LXN: variants seen among roughly 807,000 people sequenced by gnomAD.
LXN encodes the protein MUM.
A neutral mutation model predicts 29.8 loss-of-function variants in LXN; 28 were observed. The observed-to-expected ratio is 0.94, with a 90% confidence interval of 0.70 to 1.29. The LOEUF (loss-of-function observed/expected upper bound fraction) is 1.29, where lower values mean the gene tolerates loss of function less well. Ranked by LOEUF, LXN falls within the 50% of genes most tolerant of loss-of-function variation. The pLI is 0.00. For synonymous variants in LXN, 77 were observed against 89.6 expected (o/e 0.86, Z 0.80); for missense variants, 227 against 261.7 (o/e 0.87, Z 0.92).
At chr3:158,668,177 G>C (rs2639655) in intron 4 of LXN, among the ~76,000 whole-genome samples, 125,798 of 152,178 alleles carry the variant, frequency 0.83, 52,833 homozygotes, top group African/African-American at 0.95. Flanking sequence ...ATACCAAAAT[G>C]CACGGATGCC....
In LXN at chr3:158,669,044, A is replaced by T. The variant is rs754677203; in HGVS notation, c.459T>A (p.Thr153=). 6.2e-7 allele frequency: 1 copy of T among 1,613,632 alleles called. No homozygotes were observed. Among genetic ancestry groups the T allele is most frequent in the Non-Finnish European group, 8.5e-7 (1 of 1,179,728 alleles). Residue 153 remains threonine, a synonymous_variant, in exon 4 of 6, where the codon ACT becomes ACA. Coordinates refer to ENST00000264265, the MANE Select transcript of LXN (RefSeq NM_020169.4). ...TTACCATTTTATACCATGTGTCTTC[A>T]GTAGAATTTTGCCATATTATATAAC... ...ACGYIIWQNS[T]EDTWYKMVKI...
chr3:158,670,413 AT>A (rs942235831), intron 2 of LXN, among the ~76,000 whole-genome samples: 3 of 152,080 alleles, frequency 2.0e-5, no homozygotes, highest in African/African-American at 7.3e-5. Context: ...TACTTCACTC[AT>A]TTATATTAGG....
chr3:158,668,033 T>C (rs540741463), intron 4 of LXN, among the ~76,000 whole-genome samples: 5 of 152,264 alleles, frequency 3.3e-5, no homozygotes, highest in African/African-American at 1.2e-4. Flanking sequence ...TTCACTCTTC[T>C]GAAAGCACAG....
chr3:158,671,575 A>G (rs774155596), intron 1 of LXN, among the ~76,000 whole-genome samples: 20 of 152,384 alleles, frequency 1.3e-4, no homozygotes, highest in Non-Finnish European at 2.6e-4. Flanking sequence ...CAAGATACAG[A>G]TTGAAAATTT....
In LXN at chr3:158,672,335, C is replaced by T. The variant is rs749609421; in HGVS notation, c.129+15G>A. ...CCTGAAGCCTCTGCTGTCCACCACC[C>T]CCTGCTAAACTCACCTCCATGCTGG... On this transcript the variant is annotated intron_variant, in intron 1 of 5. Transcript: ENST00000264265. 6.2e-7 allele frequency: 1 copy of T among 1,613,094 alleles called. No individual in the cohort carries two copies. The highest frequency in any genetic ancestry group is 2.2e-5 in the East Asian group (1 of 44,820).
At position 158,666,994 on chromosome 3, in the gene LXN, A is replaced by G; in HGVS notation, c.570+18T>C. ...CAGTTTTCAGAATGGCATCAAATAAAGGTAAATTATACTTTACCTGAGATG... is the reference window on the plus strand; with the variant it reads ...CAGTTTTCAGAATGGCATCAAATAAGGGTAAATTATACTTTACCTGAGATG... On this transcript the variant is annotated intron_variant, in intron 5 of 5. Coordinates refer to ENST00000264265, the MANE Select transcript of LXN (RefSeq NM_020169.4). The G allele has an allele frequency of 6.3e-7, 1 of 1,589,856 alleles. No homozygotes were observed. The highest frequency in any genetic ancestry group is 8.5e-7 in the Non-Finnish European group (1 of 1,170,196).
At chr3:158,666,771 G>T (rs372506099) in intron 5 of LXN, 27 bp from the exon 6 acceptor site, 1 of 1,586,528 alleles carries the variant, frequency 6.3e-7, no homozygotes, top group Non-Finnish European at 8.6e-7. Flanking sequence ...TTAATGCCAT[G>T]ATAAAATTCA....
intron 4 of LXN, 126 bp from the exon 5 acceptor site, chr3:158,667,200 A>AAATT: frequency 1.9e-6 from 2 of 1,053,838 alleles, no homozygotes; most frequent in Non-Finnish European, 2.6e-6. Flanking sequence ...ATAAAAATTG[A>AAATT]ATGTCATAAT....
chr3:158,667,819 C>T (rs1723860044), intron 4 of LXN, among the ~76,000 whole-genome samples: 1 of 152,110 alleles, frequency 6.6e-6, no homozygotes, highest in Non-Finnish European at 1.5e-5. Context: ...AAAACCAGAA[C>T]ACCTGAGAAT....
chr3:158,672,284 C>T, intron 1 of LXN, 66 bp downstream of exon 1: 1 of 1,592,846 alleles, frequency 6.3e-7, no homozygotes, highest in African/African-American at 1.3e-5. Context: ...AAGGCTGAGA[C>T]CGCGGGTGAG....
chr3:158,672,286 G>C, intron 1 of LXN, 64 bp downstream of exon 1: 3 of 1,592,638 alleles, frequency 1.9e-6, no homozygotes, highest in Non-Finnish European at 2.6e-6. Context: ...GGCTGAGACC[G>C]CGGGTGAGTG....
intron 2 of LXN, among the ~76,000 whole-genome samples, chr3:158,669,929 T>C (rs530801345): frequency 2.0e-5 from 3 of 152,370 alleles, no homozygotes; most frequent in Admixed American, 1.3e-4. Flanking sequence ...TGACTTTATA[T>C]ACCAACTCAA....
chr3:158,669,409 G>A (rs1560137595), intron 3 of LXN, 24 bp downstream of exon 3: 1 of 1,582,330 alleles, frequency 6.3e-7, no homozygotes, highest in Non-Finnish European at 8.6e-7. Context: ...TCAAACAAAT[G>A]GTTTTCATGC....
chr3:158,672,523 CG>C lies in LXN; in HGVS notation c.-46del. The C allele has an allele frequency of 6.2e-7, 1 of 1,610,030 alleles. No individual in the cohort carries two copies. Among genetic ancestry groups the C allele is most frequent in the Non-Finnish European group, 8.5e-7 (1 of 1,177,758 alleles). On this transcript the variant is annotated 5_prime_UTR_variant, in exon 1 of 6. Transcript: ENST00000264265. ...CAGGGCTTGGGCTACTCTGGCTTAA[CG>C]GGACCAGTAGCAGAGCGCCGCCCGT...
chr3:158,669,635 C>T, intron 2 of LXN, 25 bp from the exon 3 acceptor site: 1 of 1,598,382 alleles, frequency 6.3e-7, no homozygotes. Context: ...GCAAAATATC[C>T]TTATATACAG....
At chr3:158,668,621 A>G (rs558748262) in intron 4 of LXN, among the ~76,000 whole-genome samples, 1 of 152,354 alleles carries the variant, frequency 6.6e-6, no homozygotes, top group African/African-American at 2.4e-5. Flanking sequence ...CAGTCTAGAT[A>G]CTGTGTATTA....
intron 4 of LXN, 70 bp downstream of exon 4, chr3:158,668,926 C>T: frequency 1.5e-6 from 2 of 1,363,196 alleles, no homozygotes; most frequent in Non-Finnish European, 2.0e-6. Flanking sequence ...ACTGTTAATC[C>T]AATTATGAAT....
chr3:158,670,375 TAAG>T (rs1181483154), intron 2 of LXN, among the ~76,000 whole-genome samples: 1 of 152,240 alleles, frequency 6.6e-6, no homozygotes, highest in African/African-American at 2.4e-5. Context: ...AAGCAGACGT[TAAG>T]AAGATGATTG....
Position 158,666,656 on chromosome 3 carries a change from T to C in LXN, c.659A>G (p.Gln220Arg). 1.9e-6 allele frequency: 3 copies of C among 1,613,468 alleles called. No individual in the cohort carries two copies. Among genetic ancestry groups the C allele is most frequent in the Non-Finnish European group, 2.5e-6 (3 of 1,179,464 alleles). ...TGTTAGGGTTTTTGTTTATTCCAGT[T>C]GTACTTCCTTTGGCAGACGGCTATT... ...KHNSRLPKEVQLE is the reference protein window; with the variant it reads ...KHNSRLPKEVRLE The change falls in exon 6 of 6, where the codon CAA becomes CGA. Residue 220 changes from glutamine (Q) to arginine (R), a missense_variant. Gln to Arg is a conservative substitution (Grantham distance 43, BLOSUM62 1). Transcript: ENST00000264265.
Sources: allele counts gnomAD v4.1 joint callset (sites outside exome capture counted in the v4.1 genomes callset), GRCh38; gene constraint gnomAD v4.1.1; transcripts MANE v1.5; gene names NCBI Gene and HGNC (gene_info 2026-07-23, HGNC 2026-07-21).